The following SHQ1 variants were observed in gnomAD, a reference collection of about 807,000 sequenced individuals.
The protein encoded by SHQ1 is protein SHQ1 homolog.
A neutral mutation model predicts 53.8 loss-of-function variants in SHQ1; 49 were observed. The ratio of observed to expected loss-of-function variants is 0.91; its 90% CI spans 0.72 to 1.16. The LOEUF (loss-of-function observed/expected upper bound fraction) is 1.16. SHQ1 is among the 50% of genes most tolerant of loss of function. The pLI, the probability that SHQ1 is intolerant of heterozygous loss-of-function variation, is 0.00. For synonymous variants in SHQ1, 243 were observed against 251.0 expected, an observed-to-expected ratio of 0.97 and a Z score of 0.30; for missense variants, 738 against 683.1, an observed-to-expected ratio of 1.08 and a Z score of -0.90.
intron 10 of SHQ1, among the ~76,000 whole-genome samples, chr3:72,783,979 TTAA>T (rs1481483967): frequency 1.3e-5 from 2 of 152,134 alleles, no homozygotes; most frequent in African/African-American, 4.8e-5. Flanking sequence ...TAAACTTTAG[TTAA>T]TAATAACATC....
At chr3:72,831,678 G>A (rs946090813) in intron 5 of SHQ1, among the ~76,000 whole-genome samples, 11 of 152,188 alleles carry the variant, frequency 7.2e-5, no homozygotes, top group Admixed American at 3.9e-4. Flanking sequence ...GAGGTCAAGC[G>A]ACAATCCTTG....
At chr3:72,765,557 A>ATATATATATATATTTTTT (rs1491527508) in intron 10 of SHQ1, among the ~76,000 whole-genome samples, 6 of 57,180 alleles carry the variant, frequency 1.0e-4, no homozygotes, top group African/African-American at 3.2e-4. Flanking sequence ...ATATATATAT[A>ATATATATATATATTTTTT]TTTTTTTTTT....
Position 72,848,356 on chromosome 3 carries a change from A to G in SHQ1, c.-16T>C, listed in dbSNP as rs574422661. On this transcript the variant is annotated 5_prime_UTR_variant, in exon 1 of 11. Coordinates refer to ENST00000325599, the MANE Select transcript of SHQ1 (RefSeq NM_018130.3). ...GGGTCAGCATCGCCGCACCGGACGC[A>G]AGGGCCGGCGCCGCTCGCTCTCACT... 1.9e-5 allele frequency: 30 copies of G among 1,613,054 alleles called. No individual in the cohort carries two copies. In the South Asian group the frequency reaches 3.1e-4, roughly 17 times the overall value.
chr3:72,817,508 A>C (rs1295096224), intron 6 of SHQ1, 124 bp from the exon 7 acceptor site: 2 of 869,286 alleles, frequency 2.3e-6, no homozygotes, highest in Non-Finnish European at 3.4e-6. Flanking sequence ...CTACTTAACT[A>C]TGGATATATA....
At chr3:72,745,643 T>C (rs1387946121), downstream of SHQ1, among the ~76,000 whole-genome samples, 4 of 152,102 alleles carry the variant, frequency 2.6e-5, no homozygotes, top group African/African-American at 7.2e-5. Context: ...TGTTGTTAGG[T>C]AGCTAAATAG....
intron 10 of SHQ1, among the ~76,000 whole-genome samples, chr3:72,761,208 A>AC (rs1705602157): frequency 1.3e-5 from 2 of 152,060 alleles, no homozygotes; most frequent in Admixed American, 1.3e-4. Context: ...GTCTTGTTCC[A>AC]TCGCCCAGGC....
chr3:72,820,800 C>T (rs184604934), intron 6 of SHQ1, among the ~76,000 whole-genome samples: 4 of 152,182 alleles, frequency 2.6e-5, no homozygotes, highest in African/African-American at 7.2e-5. Context: ...ACTCTCAATA[C>T]ATTTGAGGAG....
At chr3:72,770,291 T>C (rs1705819405) in intron 10 of SHQ1, among the ~76,000 whole-genome samples, 1 of 152,228 alleles carries the variant, frequency 6.6e-6, no homozygotes, top group Non-Finnish European at 1.5e-5. Flanking sequence ...TCCAAGGCCA[T>C]ACAGACAGAG....
At chr3:72,765,850 G>A (rs1705715950) in intron 10 of SHQ1, among the ~76,000 whole-genome samples, 3 of 151,988 alleles carry the variant, frequency 2.0e-5, no homozygotes, top group Non-Finnish European at 4.4e-5. Context: ...ACTGTGCCTG[G>A]CCAAATAAAT....
chr3:72,820,033 C>G (rs1327312168), intron 6 of SHQ1, among the ~76,000 whole-genome samples: 3 of 152,160 alleles, frequency 2.0e-5, no homozygotes, highest in Non-Finnish European at 4.4e-5. Flanking sequence ...TGATCTCTGA[C>G]TAGAGAAAAG....
At chr3:72,780,907 A>G (rs2322612) in intron 10 of SHQ1, among the ~76,000 whole-genome samples, 38,785 of 152,032 alleles carry the variant, frequency 0.26, 5,285 homozygotes, top group African/African-American at 0.32. Context: ...GAGAACAAGC[A>G]ATTCTCCTGC....
At chr3:72,769,252 C>T (rs1437072945) in intron 10 of SHQ1, among the ~76,000 whole-genome samples, 1 of 152,170 alleles carries the variant, frequency 6.6e-6, no homozygotes, top group Non-Finnish European at 1.5e-5. Flanking sequence ...ACTGCCAGAA[C>T]TTCCGTTATT....
chr3:72,752,035 G>A (rs1054173374), intron 10 of SHQ1, among the ~76,000 whole-genome samples: 7 of 152,200 alleles, frequency 4.6e-5, no homozygotes, highest in African/African-American at 1.2e-4. Context: ...CTATGACATC[G>A]TTTTTTAATA....
downstream of SHQ1, among the ~76,000 whole-genome samples, chr3:72,744,892 A>G (rs1047097802): frequency 2.2e-5 from 3 of 137,156 alleles, no homozygotes; most frequent in Admixed American, 1.5e-4. Context: ...CTGACATGCA[A>G]TGACATTCCA....
At chr3:72,804,033 C>T (rs1029688558) in intron 9 of SHQ1, among the ~76,000 whole-genome samples, 4 of 152,206 alleles carry the variant, frequency 2.6e-5, no homozygotes, top group Admixed American at 6.5e-5. Flanking sequence ...CCTCCTGCCT[C>T]GGGATCCCAA....
intron 9 of SHQ1, among the ~76,000 whole-genome samples, chr3:72,803,673 A>T (rs1303496978): frequency 1.3e-5 from 2 of 152,220 alleles, no homozygotes; most frequent in African/African-American, 4.8e-5. Context: ...TTTGCAGGAC[A>T]ATCTCTGATG....
chr3:72,789,936 A>T (rs1706385557), intron 10 of SHQ1, among the ~76,000 whole-genome samples: 1 of 152,190 alleles, frequency 6.6e-6, no homozygotes, highest in South Asian at 2.1e-4. Context: ...TGGTTGCATA[A>T]GTGGCATATC....
chr3:72,846,084 G>A, intron 1 of SHQ1: 1 of 833,052 alleles, frequency 1.2e-6, no homozygotes, highest in Non-Finnish European at 1.9e-6. Context: ...AAATGATAAT[G>A]CAAAGAGCTT....
At chr3:72,741,067 G>A in the SHQ1 span, among the ~76,000 whole-genome samples, 2 of 152,286 alleles carry the variant, frequency 1.3e-5, no homozygotes, top group Non-Finnish European at 1.5e-5. Flanking sequence ...TATTTCCACT[G>A]TATGTGGAGG....
Sources: gnomAD v4.1 joint callset for allele counts (sites outside exome capture counted in the v4.1 genomes callset) on GRCh38, gnomAD v4.1.1 for gene constraint, MANE v1.5 for transcripts, NCBI Gene and HGNC (gene_info 2026-07-23, HGNC 2026-07-21) for gene names.